ANKRD17: variants seen among roughly 807,000 people sequenced by gnomAD.
ANKRD17 encodes ankyrin repeat domain-containing protein 17.
A neutral mutation model predicts 229.7 loss-of-function variants in ANKRD17; 19 were observed. That is an observed-to-expected ratio of 0.08 (90% CI 0.06 to 0.12). The LOEUF is 0.12. Ranked by LOEUF, ANKRD17 falls within the 10% of genes least tolerant of loss-of-function variation. ANKRD17 has a pLI of 1.00. For missense variants in ANKRD17, 2,176 were observed against 3,176.8 expected, an observed-to-expected ratio of 0.68 and a Z score of 7.57; for synonymous variants, 1,112 against 1,146.1, an observed-to-expected ratio of 0.97 and a Z score of 0.60.
Position 73,091,809 on chromosome 4 carries a change from G to A in ANKRD17, c.5819C>T (p.Ser1940Leu), listed in dbSNP as rs1427891475. 6 of 1,614,190 alleles carry A rather than the reference G, an allele frequency of 3.7e-6. No individual in the cohort carries two copies. Among genetic ancestry groups the A allele is most frequent in the African/African-American group, 2.7e-5 (2 of 75,044 alleles). Residue 1940 changes from serine to leucine, a missense_variant, in exon 29 of 34, where the codon TCG becomes TTG. Transcript: ENST00000358602. The stretch of plus-strand genomic sequence containing the variant: ...GCGAGGCACCATGTGAGGCTTAGGC[G>A]AGTTAGTAGCTCTGGCAGGGCTCAA... Reference protein sequence around the residue: ...RPLSPARATNSPKPHMVPRHS... With the variant: ...RPLSPARATNLPKPHMVPRHS...
intron 1 of ANKRD17, among the ~76,000 whole-genome samples, chr4:73,217,897 G>GA (rs1035500563): frequency 6.6e-6 from 1 of 152,054 alleles, no homozygotes; most frequent in Non-Finnish European, 1.5e-5. Context: ...TCCAAAACCT[G>GA]AAAAAATCCA....
At chr4:73,132,329 G>A (rs771837332) in intron 16 of ANKRD17, among the ~76,000 whole-genome samples, 4 of 151,898 alleles carry the variant, frequency 2.6e-5, no homozygotes, top group South Asian at 2.1e-4. Context: ...GGCTGGTCTC[G>A]AACTCCTAAC....
At chr4:73,192,989 G>A (rs558922565) in intron 1 of ANKRD17, among the ~76,000 whole-genome samples, 55 of 151,318 alleles carry the variant, frequency 3.6e-4, no homozygotes, top group African/African-American at 1.1e-3. Context: ...CCCTTTTTTC[G>A]TGGTACAAAT....
At chr4:73,114,482 C>T (rs1223959977) in intron 23 of ANKRD17, among the ~76,000 whole-genome samples, 1 of 151,778 alleles carries the variant, frequency 6.6e-6, no homozygotes, top group East Asian at 1.9e-4. Context: ...AGGGGCTTGC[C>T]ATGTTGCCCA....
chr4:73,181,486 T>C (rs933431257), intron 1 of ANKRD17, among the ~76,000 whole-genome samples: 2 of 152,104 alleles, frequency 1.3e-5, no homozygotes, highest in East Asian at 3.9e-4. Flanking sequence ...CGCGTTACAT[T>C]ACAAAACAAG....
At chr4:73,244,076 C>A (rs1443365533) in intron 1 of ANKRD17, among the ~76,000 whole-genome samples, 1 of 152,008 alleles carries the variant, frequency 6.6e-6, no homozygotes, top group Non-Finnish European at 1.5e-5. Context: ...CCCCACATGG[C>A]CTTTTCTCTG....
intron 16 of ANKRD17, among the ~76,000 whole-genome samples, chr4:73,129,440 A>AATACG (rs1424246760): frequency 6.6e-6 from 1 of 152,172 alleles, no homozygotes; most frequent in African/African-American, 2.4e-5. Context: ...TAAAAAAGGA[A>AATACG]ATACGCTGGG....
intron 29 of ANKRD17, among the ~76,000 whole-genome samples, chr4:73,088,388 G>A (rs1722418688): frequency 1.3e-5 from 2 of 151,990 alleles, no homozygotes; most frequent in South Asian, 4.2e-4. Flanking sequence ...TGCTAATTTT[G>A]GCTCTCATCA....
chr4:73,210,457 GTA>G (rs1255211222), intron 1 of ANKRD17, among the ~76,000 whole-genome samples: 2 of 152,218 alleles, frequency 1.3e-5, no homozygotes, highest in South Asian at 2.1e-4. Context: ...GAGTGTGTGT[GTA>G]TATGTGTCAT....
intron 1 of ANKRD17, among the ~76,000 whole-genome samples, chr4:73,201,091 A>G (rs1043984868): frequency 2.6e-5 from 4 of 152,058 alleles, no homozygotes; most frequent in Non-Finnish European, 4.4e-5. Flanking sequence ...ATATAGAGTA[A>G]TATTACCTGA....
chr4:73,123,930 A>C (rs1727093170), intron 18 of ANKRD17, among the ~76,000 whole-genome samples: 1 of 152,020 alleles, frequency 6.6e-6, no homozygotes, highest in Admixed American at 6.5e-5. Context: ...AACAGTCACG[A>C]TGATGAAGGG....
rs1424348747 is a variant in ANKRD17 at position 73,165,348 on chromosome 4, C to T, written c.548-4000G>A. On this transcript the variant is annotated intron_variant, in intron 2 of 33. Transcript: ENST00000358602. ...GTGATTATTCTCTAAAGAAACCAAA[C>T]TAGAAAGGCCCTGGACTAGGAGACA... is the stretch of plus-strand genomic sequence containing the variant. Among the ~76,000 whole-genome samples, 3 of 152,180 alleles carry T rather than the reference C, an allele frequency of 2.0e-5. No individual in the cohort carries two copies. The East Asian group carries it at 5.8e-4, about 29-fold the overall frequency.
At chr4:73,231,070 C>A (rs925190557) in intron 1 of ANKRD17, among the ~76,000 whole-genome samples, 24 of 152,146 alleles carry the variant, frequency 1.6e-4, no homozygotes, top group African/African-American at 5.8e-4. Flanking sequence ...ACAGCACTTT[C>A]AACCTCGTCA....
chr4:73,213,031 G>GAA (rs11371589), intron 1 of ANKRD17, among the ~76,000 whole-genome samples: 75,855 of 131,072 alleles, frequency 0.58, 22,275 homozygotes, highest in South Asian at 0.63. Flanking sequence ...CGTTTCAGGG[G>GAA]AAAAAAAAAA....
Position 73,258,772 on chromosome 4 carries a change from G to A in ANKRD17, c.-104C>T, listed in dbSNP as rs1385081453. 17 of 1,309,866 alleles carry A rather than the reference G, an allele frequency of 1.3e-5. No homozygotes were observed. Among genetic ancestry groups the A allele is most frequent in the Middle Eastern group, 2.9e-4 (1 of 3,440 alleles). The allele number at this position is 1,309,866 out of a possible 1,614,324, so 81.1% of individuals were successfully genotyped here. On this transcript the variant is annotated 5_prime_UTR_variant, in exon 1 of 34. Coordinates refer to ENST00000358602, the MANE Select transcript of ANKRD17 (RefSeq NM_032217.5). ...CGACACAGCAATCGGTGCCGCCTCC[G>A]CCGCCACCGCCTCGGTCACCTCTAC... is the stretch of plus-strand genomic sequence containing the variant.
chr4:73,076,683 C>T (rs1473025877), intron 33 of ANKRD17, among the ~76,000 whole-genome samples: 1 of 152,164 alleles, frequency 6.6e-6, no homozygotes, highest in African/African-American at 2.4e-5. Flanking sequence ...AATCATATGA[C>T]AGTCACTTTG....
rs1482067626 is a variant in ANKRD17 at position 73,214,839 on chromosome 4, G to A, written c.394-37306C>T. ...AACCTGGCCAACAGAGTGAGATTTC[G>A]TCTCTATTAAAAAAAAAAAAAAAAA... is the stretch of plus-strand genomic sequence containing the variant. On this transcript the variant is annotated intron_variant, in intron 1 of 33. Coordinates refer to ENST00000358602, the MANE Select transcript of ANKRD17 (RefSeq NM_032217.5). 1.3e-4 allele frequency among the ~76,000 whole-genome samples: 16 copies of A among 124,608 alleles called. 1 individual carries two copies. In the Admixed American group the frequency reaches 1.4e-3, roughly 11 times the overall value. The allele number at this position is 124,608 out of a possible 152,430, so 81.7% of individuals were successfully genotyped here.
At chr4:73,116,501 TAC>T (rs1230933050) in intron 22 of ANKRD17, among the ~76,000 whole-genome samples, 1 of 152,198 alleles carries the variant, frequency 6.6e-6, no homozygotes, top group Non-Finnish European at 1.5e-5. Context: ...GTCTAGCCCA[TAC>T]TGTTGCTTTC....
chr4:73,108,361 G>A (rs1312467715), intron 24 of ANKRD17, among the ~76,000 whole-genome samples: 1 of 152,148 alleles, frequency 6.6e-6, no homozygotes, highest in Non-Finnish European at 1.5e-5. Context: ...AGAAGTCTGG[G>A]CTAGAGATAC....
Sources: allele counts gnomAD v4.1 joint callset (sites outside exome capture counted in the v4.1 genomes callset), GRCh38; gene constraint gnomAD v4.1.1; transcripts MANE v1.5; gene names NCBI Gene and HGNC (gene_info 2026-07-23, HGNC 2026-07-21).